Variants in DNAH14 observed in about 807,000 individuals in gnomAD.
The protein encoded by DNAH14 is dynein axonemal heavy chain 14.
Under a neutral mutation model 520.9 loss-of-function variants are expected in DNAH14, and 478 were observed. The observed-to-expected ratio is 0.92, with a 90% CI of 0.85 to 0.99. DNAH14 has a LOEUF of 0.99. Ranked by LOEUF, DNAH14 falls within the 50% of genes least tolerant of loss-of-function variation. DNAH14 has a pLI of 0.00. For missense variants in DNAH14, 4,831 were observed against 5,234.5 expected, an observed-to-expected ratio of 0.92 and a Z score of 2.38; for synonymous variants, 1,581 against 1,757.2, an observed-to-expected ratio of 0.90 and a Z score of 2.51.
intron 47 of DNAH14, among the ~76,000 whole-genome samples, 164 bp downstream of exon 47, chr1:225,264,425 C>T (rs1407447611): frequency 6.6e-6 from 1 of 152,014 alleles, no homozygotes; most frequent in African/African-American, 2.4e-5. Context: ...CTGTTCTGTC[C>T]TACTCAAAAG....
rs895633745 is a variant in DNAH14, at chr1:225,021,845, G to A, written c.1108-1770G>A. Among the ~76,000 whole-genome samples the A allele has an allele frequency of 5.9e-5, 9 of 151,886 alleles. No homozygotes were observed. In the East Asian group the frequency reaches 1.3e-3, roughly 23 times the overall value. ...GCCAAAGCAATCCAAAGCAAAAAGAGCAAAGCTGGAGGCATCACATTACCC... is the reference window on the plus strand; with the variant it reads ...GCCAAAGCAATCCAAAGCAAAAAGAACAAAGCTGGAGGCATCACATTACCC... On this transcript the variant is annotated intron_variant, in intron 10 of 85. Transcript: ENST00000682510.
chr1:225,335,404 TGTG>T (rs2094940927), intron 66 of DNAH14, among the ~76,000 whole-genome samples: 1 of 62,816 alleles, frequency 1.6e-5, no homozygotes, highest in African/African-American at 7.5e-5. Context: ...CATGTGTACA[TGTG>T]TGTGTATGCA....
intron 15 of DNAH14, among the ~76,000 whole-genome samples, chr1:225,049,341 A>C (rs2068280675): frequency 6.6e-6 from 1 of 151,878 alleles, no homozygotes; most frequent in South Asian, 2.1e-4. Context: ...GATTACATGC[A>C]GGGGCCACCA....
intron 15 of DNAH14, among the ~76,000 whole-genome samples, chr1:225,044,424 A>G (rs2067759168): frequency 6.6e-6 from 1 of 152,186 alleles, no homozygotes; most frequent in African/African-American, 2.4e-5. Context: ...TTTTACAAAG[A>G]TCTTAAAACA....
At chr1:225,399,028 CT>C in intron 85 of DNAH14, 25 bp from the exon 86 acceptor site, 2 of 1,397,994 alleles carry the variant, frequency 1.4e-6, no homozygotes, top group South Asian at 2.5e-5. Flanking sequence ...TGCAATTTGA[CT>C]ACTGGATTTT....
At chr1:225,059,239 G>A (rs12127298) in intron 17 of DNAH14, among the ~76,000 whole-genome samples, 1 of 152,038 alleles carries the variant, frequency 6.6e-6, no homozygotes, top group East Asian at 1.9e-4. Context: ...ATTTAGGATA[G>A]TTAGCTCTTC....
chr1:225,224,412 A>G (rs1469409814), intron 41 of DNAH14, among the ~76,000 whole-genome samples: 1 of 152,048 alleles, frequency 6.6e-6, no homozygotes, highest in Non-Finnish European at 1.5e-5. Context: ...TTTTACTCAC[A>G]TACCAGGACT....
intron 23 of DNAH14, among the ~76,000 whole-genome samples, chr1:225,114,321 C>T (rs140854031): frequency 5.8e-4 from 89 of 152,236 alleles, no homozygotes; most frequent in African/African-American, 2.0e-3. Context: ...ATGACCCTGC[C>T]AGGTGCCCTA....
At chr1:225,183,363 G>A (rs1161391440) in intron 36 of DNAH14, among the ~76,000 whole-genome samples, 1 of 152,240 alleles carries the variant, frequency 6.6e-6, no homozygotes, top group African/African-American at 2.4e-5. Context: ...TGCTGCAAAG[G>A]TCTAGAGGCC....
At chr1:225,360,075 A>T (rs1274745232) in intron 74 of DNAH14, among the ~76,000 whole-genome samples, 2 of 152,030 alleles carry the variant, frequency 1.3e-5, no homozygotes, top group Admixed American at 6.6e-5. Flanking sequence ...CTCAGTTCCC[A>T]CTTATAGGTG....
chr1:225,222,944 A>G (rs1254672002), intron 41 of DNAH14, among the ~76,000 whole-genome samples: 1 of 152,178 alleles, frequency 6.6e-6, no homozygotes, highest in Non-Finnish European at 1.5e-5. Flanking sequence ...CTCTGATATT[A>G]TGGGCTTTAC....
chr1:225,166,022 T>C (rs1283353073), intron 35 of DNAH14, among the ~76,000 whole-genome samples: 2 of 151,130 alleles, frequency 1.3e-5, no homozygotes, highest in African/African-American at 2.4e-5. Flanking sequence ...ATTTATATTT[T>C]GAGAATTTTC....
chr1:225,124,496 A>G (rs1322039378), intron 27 of DNAH14, among the ~76,000 whole-genome samples: 2 of 152,244 alleles, frequency 1.3e-5, no homozygotes, highest in Admixed American at 6.5e-5. Flanking sequence ...TCAGGAGTAG[A>G]TTCCATCTCA....
At chr1:225,397,210 C>G (rs1370692502) in intron 84 of DNAH14, 1 of 152,162 alleles carries the variant, frequency 6.6e-6, no homozygotes, top group African/African-American at 2.4e-5. Flanking sequence ...ATCTCCTGAC[C>G]TCGTGATCCG....
chr1:224,996,679 C>T (rs2063411633), intron 8 of DNAH14, among the ~76,000 whole-genome samples: 1 of 152,110 alleles, frequency 6.6e-6, no homozygotes, highest in Admixed American at 6.6e-5. Flanking sequence ...GCTGGGTGGA[C>T]ACTGCAATTG....
chr1:225,123,976 C>T (rs1231180809), intron 27 of DNAH14, among the ~76,000 whole-genome samples: 1 of 152,108 alleles, frequency 6.6e-6, no homozygotes, highest in South Asian at 2.1e-4. Context: ...TGGTCTTGAA[C>T]TCCTGACCTC....
chr1:225,008,541 T>A (rs1380993704), intron 10 of DNAH14, among the ~76,000 whole-genome samples: 1 of 151,602 alleles, frequency 6.6e-6, no homozygotes, highest in African/African-American at 2.4e-5. Flanking sequence ...TGTAGAAGCG[T>A]TCCTATTTCT....
chr1:225,109,436 A>T (rs146463618), intron 23 of DNAH14, among the ~76,000 whole-genome samples: 6 of 152,040 alleles, frequency 3.9e-5, no homozygotes, highest in Middle Eastern at 3.4e-3. Context: ...TTCACTTCTT[A>T]GGTTGATTCC....
At chr1:225,135,286 C>T (rs1374440192) in intron 27 of DNAH14, among the ~76,000 whole-genome samples, 1 of 152,108 alleles carries the variant, frequency 6.6e-6, no homozygotes, top group Non-Finnish European at 1.5e-5. Context: ...CTGATGTGGG[C>T]ATTTAGTGCT....
Sources: allele counts gnomAD v4.1 joint callset (sites outside exome capture counted in the v4.1 genomes callset), GRCh38; gene constraint gnomAD v4.1.1; transcripts MANE v1.5; gene names NCBI Gene and HGNC (gene_info 2026-07-23, HGNC 2026-07-21).